The following KLHL28 variants were observed in gnomAD, a reference collection of about 807,000 sequenced individuals.
KLHL28 encodes the protein kelch like family member 28.
In KLHL28, 22 loss-of-function variants were observed where a neutral mutation model predicts 48.3. The observed-to-expected ratio is 0.46, with a 90% CI of 0.33 to 0.65. KLHL28 has a LOEUF of 0.65. Ranked by LOEUF, KLHL28 falls within the 30% of genes least tolerant of loss-of-function variation. The pLI is 0.03. For synonymous variants in KLHL28, 243 were observed against 242.4 expected (o/e 1.00, Z -0.02); for missense variants, 527 against 704.3 (o/e 0.75, Z 2.85).
intron 2 of KLHL28, 54 bp downstream of exon 2, chr14:44,944,976 T>C: frequency 7.9e-7 from 1 of 1,267,392 alleles, no homozygotes; most frequent in Non-Finnish European, 1.1e-6. Flanking sequence ...ATCTGCACAT[T>C]TAAAAAGCAT....
At chr14:44,941,935 G>A (rs372295563) in intron 2 of KLHL28, among the ~76,000 whole-genome samples, 2 of 152,086 alleles carry the variant, frequency 1.3e-5, no homozygotes, top group South Asian at 2.1e-4. Flanking sequence ...CAGGCAAAAG[G>A]AGGAACATTT....
rs1433546543 is a variant in KLHL28, at chr14:44,934,456, A to G, written c.1002T>C (p.Tyr334=). Residue 334 remains tyrosine (Y), a synonymous_variant, in exon 3 of 5, where the codon TAT becomes TAC. Coordinates refer to ENST00000396128, the MANE Select transcript of KLHL28 (RefSeq NM_017658.5). ...FGICVLDQKV[Y]VIGGIATNVR... ...CATTAGTTGCAATACCACCTATAAC[A>G]TATACTTTTTGGTCTAAAACGCATA... is the stretch of plus-strand genomic sequence containing the variant. 1.2e-6 allele frequency: 2 copies of G among 1,613,960 alleles called. No homozygotes were observed. Among genetic ancestry groups the G allele is most frequent in the South Asian group, 1.1e-5 (1 of 91,072 alleles).
intron 4 of KLHL28, among the ~76,000 whole-genome samples, chr14:44,930,277 A>G (rs868212420): frequency 6.6e-6 from 1 of 152,238 alleles, no homozygotes; most frequent in Middle Eastern, 3.4e-3. Context: ...ATGAAATCCA[A>G]AGTGCTCCAA....
intron 1 of KLHL28, among the ~76,000 whole-genome samples, chr14:44,956,717 C>T (rs941119666): frequency 3.3e-5 from 5 of 152,184 alleles, no homozygotes; most frequent in Non-Finnish European, 7.3e-5. Context: ...CTTGTGTGTG[C>T]ACCCACATAT....
In KLHL28 at chr14:44,934,509, G is replaced by A. The variant is rs1883724647; in HGVS notation, c.949C>T (p.Leu317=). 1.2e-6 allele frequency: 2 copies of A among 1,612,390 alleles called. No homozygotes were observed. The part of the protein sequence containing the change: ...QNDSWIGLAP[L]NIPRYEFGIC... ...CCAAATTCATAGCGAGGAATGTTTA[G>A]GGGTGCCAAACCAATCCAAGAGTCA... Residue 317 remains leucine (L), a synonymous_variant, in exon 3 of 5, where the codon CTA becomes TTA. Transcript: ENST00000396128.
rs1883723104 is a variant in KLHL28 at position 44,934,495 on chromosome 14, G to C, written c.963C>G (p.Arg321=). The C allele has an allele frequency of 1.2e-6, 2 of 1,613,468 alleles. No homozygotes were observed. The highest frequency in any genetic ancestry group is 1.7e-5 in the Admixed American group (1 of 59,948). ...CTAAAACGCATATTCCAAATTCATA[G>C]CGAGGAATGTTTAGGGGTGCCAAAC... ...WIGLAPLNIP[R]YEFGICVLDQ... is the part of the protein sequence containing the mutation. The change falls in exon 3 of 5, where the codon CGC becomes CGG. Residue 321 remains arginine (R), a synonymous_variant. Coordinates refer to ENST00000396128, the MANE Select transcript of KLHL28 (RefSeq NM_017658.5).
intron 3 of KLHL28, 148 bp from the exon 4 acceptor site, chr14:44,931,689 CTGA>C (rs1419258801): frequency 1.1e-5 from 7 of 634,910 alleles, no homozygotes; most frequent in African/African-American, 1.1e-4. Context: ...TTAGGTTTTG[CTGA>C]TAAGATTGCA....
Position 44,929,136 on chromosome 14 carries a change from C to A in KLHL28, c.1608G>T (p.Gly536=), listed in dbSNP as rs1446407992. ...TCTGCACTGTATTCAGATAGGAAGA[C>A]CCTGAGTGACCACCGACGACATAAA... ...NYLYVVGGHS[G]SSYLNTVQKY... Residue 536 remains glycine (G), a synonymous_variant, in exon 5 of 5, where the codon GGG becomes GGT. Transcript: ENST00000396128. 2.5e-6 allele frequency: 4 copies of A among 1,613,176 alleles called. No homozygotes were observed. In the South Asian group the frequency reaches 4.4e-5, roughly 18 times the overall value.
At chr14:44,949,121 T>C (rs1052273569) in intron 1 of KLHL28, among the ~76,000 whole-genome samples, 1 of 152,086 alleles carries the variant, frequency 6.6e-6, no homozygotes, top group South Asian at 2.1e-4. Flanking sequence ...AGCCTGCAAA[T>C]GAGATTATTG....
intron 1 of KLHL28, among the ~76,000 whole-genome samples, chr14:44,958,054 A>G (rs1884866152): frequency 6.6e-6 from 1 of 150,562 alleles, no homozygotes. Flanking sequence ...GTTCCTCCAT[A>G]TCTCTGCCAT....
In KLHL28 at chr14:44,924,682, G is replaced by C. The variant is rs1179234862; in HGVS notation, c.*4346C>G. The C allele has an allele frequency of 2.0e-5, 3 of 152,462 alleles. No individual in the cohort carries two copies. The highest frequency in any genetic ancestry group is 4.4e-5 in the Non-Finnish European group (3 of 67,974). The allele number at this position is 152,462 out of a possible 1,614,324, so 9.4% of individuals were successfully genotyped here. On this transcript the variant is annotated 3_prime_UTR_variant, in exon 5 of 5. Coordinates refer to ENST00000396128, the MANE Select transcript of KLHL28 (RefSeq NM_017658.5). The stretch of plus-strand genomic sequence containing the variant: ...TATAATACACAGCACAATTCATAAG[G>C]CAAAAATATAGGCATTATCATCCAG...
At chr14:44,941,905 T>C (rs1884113405) in intron 2 of KLHL28, among the ~76,000 whole-genome samples, 1 of 152,158 alleles carries the variant, frequency 6.6e-6, no homozygotes, top group African/African-American at 2.4e-5. Context: ...CAATCCTTTT[T>C]CCTCTCTATA....
intron 4 of KLHL28, among the ~76,000 whole-genome samples, chr14:44,929,920 T>A (rs1466191909): frequency 6.6e-6 from 1 of 152,190 alleles, no homozygotes; most frequent in African/African-American, 2.4e-5. Context: ...GGAGTATATA[T>A]CTTTCCATAG....
At chr14:44,943,890 A>T (rs954360148) in intron 2 of KLHL28, among the ~76,000 whole-genome samples, 4 of 151,900 alleles carry the variant, frequency 2.6e-5, no homozygotes, top group African/African-American at 9.7e-5. Context: ...AATATTTTAA[A>T]TTTTTTGTAA....
chr14:44,945,266 T>A lies in KLHL28; in HGVS notation c.663A>T (p.Leu221=), dbSNP rs762614054. 2 of 1,614,146 alleles carry A rather than the reference T, an allele frequency of 1.2e-6. No homozygotes were observed. Among genetic ancestry groups the A allele is most frequent in the South Asian group, 2.2e-5 (2 of 91,080 alleles). Residue 221 remains leucine (L), a synonymous_variant, in exon 2 of 5, where the codon CTA becomes CTT. Transcript: ENST00000396128. ...TCAACAATGGTAATCGTACACTGTT[T>A]AGTAACTGTGCTAAGTATTTCTGGC... is the stretch of plus-strand genomic sequence containing the variant. ...QERQKYLAQL[L]NSVRLPLLSV...
chr14:44,945,680 T>G lies in KLHL28; in HGVS notation c.249A>C (p.Glu83Asp), dbSNP rs368515894. 4.3e-6 allele frequency: 7 copies of G among 1,614,150 alleles called. No individual in the cohort carries two copies. Among genetic ancestry groups the G allele is most frequent in the Non-Finnish European group, 5.9e-6 (7 of 1,180,020 alleles). The change falls in exon 2 of 5, where the codon GAA becomes GAC. Residue 83 changes from glutamate to aspartate, a missense_variant. Physicochemically the swap from Glu to Asp is conservative, Grantham distance 45 (BLOSUM62 2). Transcript: ENST00000396128. ...ACTCCACAATGGCCTGGAGAGCAGTTTCATCAATGCATTGAAACTCAACCT... is the reference window on the plus strand; with the variant it reads ...ACTCCACAATGGCCTGGAGAGCAGTGTCATCAATGCATTGAAACTCAACCT... ...NSEVEFQCID[E>D]TALQAIVEYA...
chr14:44,929,351 G>A (rs1245319790), intron 4 of KLHL28, among the ~76,000 whole-genome samples, 160 bp from the exon 5 acceptor site: 1 of 152,044 alleles, frequency 6.6e-6, no homozygotes, highest in Admixed American at 6.6e-5. Flanking sequence ...CTTTATCTGA[G>A]TTTTTGCTTT....
intron 4 of KLHL28, 122 bp downstream of exon 4, chr14:44,931,211 T>C: frequency 2.5e-6 from 1 of 398,348 alleles, no homozygotes; most frequent in Non-Finnish European, 4.3e-6. Flanking sequence ...ATACAAGTCT[T>C]TTTTTTTTTT....
At chr14:44,955,212 C>T (rs1486863165) in intron 1 of KLHL28, among the ~76,000 whole-genome samples, 1 of 150,894 alleles carries the variant, frequency 6.6e-6, no homozygotes, top group African/African-American at 2.4e-5. Context: ...ATATAAATAA[C>T]AGTAAATATT....
Sources: allele counts gnomAD v4.1 joint callset (sites outside exome capture counted in the v4.1 genomes callset), GRCh38; gene constraint gnomAD v4.1.1; transcripts MANE v1.5; gene names NCBI Gene and HGNC (gene_info 2026-07-23, HGNC 2026-07-21).